Variants in NID2 observed in about 807,000 individuals in gnomAD.
The protein encoded by NID2 is nidogen-2.
A neutral mutation model predicts 145.4 loss-of-function variants in NID2; 83 were observed. The observed-to-expected ratio is 0.57, with a 90% CI of 0.48 to 0.69. NID2 has a LOEUF of 0.69. NID2 is among the 30% of genes least tolerant of loss of function. The pLI, the probability that NID2 is intolerant of heterozygous loss-of-function variation, is 0.00. For missense variants in NID2, 1,807 were observed against 1,765.7 expected (o/e 1.02, Z -0.42); for synonymous variants, 739 against 701.3 (o/e 1.05, Z -0.85).
chr14:52,018,444 G>A (rs1891290983), intron 14 of NID2, among the ~76,000 whole-genome samples: 1 of 152,172 alleles, frequency 6.6e-6, no homozygotes, highest in Non-Finnish European at 1.5e-5. Flanking sequence ...CACCCAGCTG[G>A]GGAATGCTCT....
intron 5 of NID2, among the ~76,000 whole-genome samples, chr14:52,046,001 G>A (rs1892477556): frequency 6.6e-6 from 1 of 152,164 alleles, no homozygotes; most frequent in South Asian, 2.1e-4. Context: ...TGAACACCAA[G>A]TAAAAAGGCA....
intron 12 of NID2, among the ~76,000 whole-genome samples, chr14:52,020,856 C>A (rs1266653908): frequency 6.6e-6 from 1 of 152,076 alleles, no homozygotes; most frequent in Non-Finnish European, 1.5e-5. Flanking sequence ...ACAATTCAGG[C>A]CCCTACACTC....
chr14:52,053,462 T>C (rs2140421083), intron 5 of NID2, 117 bp downstream of exon 5: 1 of 1,125,726 alleles, frequency 8.9e-7, no homozygotes, highest in South Asian at 1.6e-5. Context: ...AAAAATTAGA[T>C]CCAATCTTCT....
chr14:52,021,970 C>G (rs2073625), intron 12 of NID2, among the ~76,000 whole-genome samples: 73 of 151,964 alleles, frequency 4.8e-4, no homozygotes, highest in African/African-American at 1.7e-3. Context: ...AACATTCAGC[C>G]GAATGCAGGA....
chr14:52,036,705 T>G (rs902795842), intron 9 of NID2, among the ~76,000 whole-genome samples: 1 of 152,238 alleles, frequency 6.6e-6, no homozygotes, highest in African/African-American at 2.4e-5. Flanking sequence ...GACCACATGA[T>G]GTAAAGTAGT....
chr14:52,005,837 TACAAC>T lies in NID2; in HGVS notation c.4012_4016del (p.Val1338IlefsTer4). ...ACTGGCCACTATGTTTATTTACTGA[TACAAC>T]ACCATCCCTGGTAACAGAAAGGAAG... On this transcript the variant is annotated frameshift_variant, in exon 21 of 22. Transcript: ENST00000216286. LOFTEE classifies it high-confidence loss of function. 1 of 1,609,126 alleles carries T rather than the reference TACAAC, an allele frequency of 6.2e-7. No individual in the cohort carries two copies. The highest frequency in any genetic ancestry group is 8.5e-7 in the Non-Finnish European group (1 of 1,175,466).
In NID2 at chr14:52,020,234, C is replaced by T. The variant is rs183061176; in HGVS notation, c.2675-56G>A. 4.0e-5 allele frequency: 65 copies of T among 1,605,830 alleles called. 1 individual carries two copies. In the South Asian group the frequency reaches 7.1e-4, roughly 17 times the overall value. The stretch of plus-strand genomic sequence containing the variant: ...AAAGAACACTATGACTTCACTCACA[C>T]AATCTGTGCGACTGCATGGGCTTTG... On this transcript the variant is annotated intron_variant, in intron 12 of 21. Transcript: ENST00000216286.
At chr14:52,054,977 TC>T (rs1252182475) in intron 3 of NID2, among the ~76,000 whole-genome samples, 3 of 152,214 alleles carry the variant, frequency 2.0e-5, no homozygotes. Context: ...TCATCCTTCC[TC>T]TACTTGTCTG....
intron 12 of NID2, among the ~76,000 whole-genome samples, chr14:52,021,671 A>G (rs1004818127): frequency 1.1e-4 from 17 of 152,188 alleles, no homozygotes; most frequent in Non-Finnish European, 2.2e-4. Context: ...AACTCAATGC[A>G]ACCCATAGAG....
chr14:52,028,465 G>A (rs542322272), intron 11 of NID2, among the ~76,000 whole-genome samples: 101 of 152,102 alleles, frequency 6.6e-4, no homozygotes, highest in African/African-American at 2.4e-3. Flanking sequence ...TTGTAGAGAC[G>A]GGGTTTTGCT....
intron 14 of NID2, among the ~76,000 whole-genome samples, chr14:52,018,766 G>T (rs1248901625): frequency 6.6e-6 from 1 of 152,222 alleles, no homozygotes; most frequent in Non-Finnish European, 1.5e-5. Context: ...CTCTATAACA[G>T]GTCTAGGGTA....
intron 9 of NID2, 96 bp from the exon 10 acceptor site, chr14:52,029,786 G>T: frequency 2.0e-6 from 2 of 1,015,924 alleles, no homozygotes; most frequent in Non-Finnish European, 2.9e-6. Flanking sequence ...GCATGTCTGT[G>T]TTTTGTGACA....
chr14:52,018,896 T>C (rs1891306469), intron 14 of NID2, among the ~76,000 whole-genome samples, 165 bp downstream of exon 14: 1 of 152,260 alleles, frequency 6.6e-6, no homozygotes, highest in South Asian at 2.1e-4. Flanking sequence ...TATGTCCTTA[T>C]GACACAAACA....
In NID2 at chr14:52,028,863, G is replaced by A. The variant is rs76610738; in HGVS notation, c.2402-13C>T. ...CATTCATTTTCATCTAAGAAGAAAT[G>A]AGAAGAGAAAAATTCTGCTTAATTC... On this transcript the variant is annotated splice_polypyrimidine_tract_variant and intron_variant, in intron 10 of 21. Coordinates refer to ENST00000216286, the MANE Select transcript of NID2 (RefSeq NM_007361.4). 1.5e-4 allele frequency: 244 copies of A among 1,612,024 alleles called. 1 individual carries two copies. The African/African-American group carries it at 3.1e-3, about 21-fold the overall frequency.
At chr14:52,066,361 T>C (rs1249092157) in intron 2 of NID2, among the ~76,000 whole-genome samples, 1 of 152,014 alleles carries the variant, frequency 6.6e-6, no homozygotes, top group East Asian at 1.9e-4. Flanking sequence ...GACCTACCAT[T>C]TGATAGCACA....
intron 7 of NID2, 150 bp from the exon 8 acceptor site, chr14:52,041,001 T>A: frequency 1.4e-6 from 1 of 691,800 alleles, no homozygotes; most frequent in Non-Finnish European, 2.5e-6. Context: ...TATCAGCTGT[T>A]GATTCCATAA....
chr14:52,062,717 G>A (rs1390205008), intron 2 of NID2, among the ~76,000 whole-genome samples: 1 of 152,162 alleles, frequency 6.6e-6, no homozygotes, highest in Non-Finnish European at 1.5e-5. Flanking sequence ...GTGAAGAATT[G>A]AAGGGGATGG....
intron 9 of NID2, among the ~76,000 whole-genome samples, chr14:52,037,019 G>T (rs1342610016): frequency 6.6e-6 from 1 of 152,160 alleles, no homozygotes; most frequent in East Asian, 1.9e-4. Context: ...TGTTGCTTGT[G>T]CTTTTAGTGT....
At chr14:52,026,635 A>C (rs1442882963) in intron 12 of NID2, among the ~76,000 whole-genome samples, 1 of 152,250 alleles carries the variant, frequency 6.6e-6, no homozygotes, top group Non-Finnish European at 1.5e-5. Flanking sequence ...ACAACCTCAC[A>C]CATTCTTTCT....
Sources: gnomAD v4.1 joint callset for allele counts (sites outside exome capture counted in the v4.1 genomes callset) on GRCh38, gnomAD v4.1.1 for gene constraint, MANE v1.5 for transcripts, NCBI Gene and HGNC (gene_info 2026-07-23, HGNC 2026-07-21) for gene names.